Variants in PCDH15 observed in about 807,000 individuals in gnomAD.
The protein encoded by PCDH15 is protocadherin-15.
A neutral mutation model predicts 178.5 loss-of-function variants in PCDH15; 129 were observed. The observed-to-expected ratio is 0.72, with a 90% CI of 0.63 to 0.84. The LOEUF is 0.84. PCDH15 is among the 40% of genes least tolerant of loss of function. The pLI, the probability that PCDH15 is intolerant of heterozygous loss-of-function variation, is 0.00. For synonymous variants in PCDH15, 800 were observed against 732.0 expected, an observed-to-expected ratio of 1.09 and a Z score of -1.50; for missense variants, 2,230 against 2,099.9, an observed-to-expected ratio of 1.06 and a Z score of -1.21.
chr10:54,585,927 G>A (rs2026409), intron 2 of PCDH15, among the ~76,000 whole-genome samples: 143,213 of 152,242 alleles, frequency 0.94, 67,580 homozygotes, highest in Middle Eastern at 0.98. Flanking sequence ...CAAGTAAGTT[G>A]ATCTGATGGT....
At chr10:54,095,789 C>A (rs557236825) in intron 15 of PCDH15, among the ~76,000 whole-genome samples, 60 of 152,182 alleles carry the variant, frequency 3.9e-4, no homozygotes, top group Middle Eastern at 3.4e-3. Flanking sequence ...TTTAGGGATA[C>A]TCTATGAAGG....
intron 3 of PCDH15, among the ~76,000 whole-genome samples, chr10:54,520,850 G>A (rs1036987300): frequency 6.6e-6 from 1 of 151,300 alleles, no homozygotes; most frequent in African/African-American, 2.4e-5. Flanking sequence ...TTAAGAAAAT[G>A]TGGCACATAT....
intron 2 of PCDH15, among the ~76,000 whole-genome samples, chr10:55,341,156 A>T (rs1195524710): frequency 6.6e-6 from 1 of 151,986 alleles, no homozygotes; most frequent in Non-Finnish European, 1.5e-5. Flanking sequence ...GTACAAAATC[A>T]AGCTCTTACA....
chr10:55,020,917 A>G (rs534913950), intron 2 of PCDH15, among the ~76,000 whole-genome samples: 1 of 152,260 alleles, frequency 6.6e-6, no homozygotes, highest in Non-Finnish European at 1.5e-5. Flanking sequence ...CCTATTATCT[A>G]TCTTATCTTA....
intron 1 of PCDH15, among the ~76,000 whole-genome samples, chr10:55,260,150 G>A (rs1054145229): frequency 3.3e-5 from 5 of 151,468 alleles, no homozygotes; most frequent in East Asian, 1.9e-4. Context: ...TGCCCTTCTC[G>A]GTGACAGTAA....
intron 25 of PCDH15, among the ~76,000 whole-genome samples, chr10:53,928,497 G>A (rs375334668): frequency 2.0e-5 from 3 of 151,912 alleles, no homozygotes; most frequent in Non-Finnish European, 4.4e-5. Flanking sequence ...CAATAATGAA[G>A]AATTAATTCT....
chr10:54,866,057 TA>T (rs1953935249), intron 3 of PCDH15, among the ~76,000 whole-genome samples: 1 of 152,156 alleles, frequency 6.6e-6, no homozygotes, highest in African/African-American at 2.4e-5. Flanking sequence ...AACTTTTCTT[TA>T]AAAAAGTAAG....
At chr10:54,561,923 C>T (rs1347275328) in intron 2 of PCDH15, among the ~76,000 whole-genome samples, 2 of 150,266 alleles carry the variant, frequency 1.3e-5, no homozygotes, top group East Asian at 2.0e-4. Context: ...ACCTCATTAT[C>T]TGCCCACCTT....
rs575547228 is a variant in PCDH15 at position 54,561,980 on chromosome 10, C to CTTTTTTT, written c.92-34110_92-34104dup. Among the ~76,000 whole-genome samples, 611 of 75,174 alleles carry CTTTTTTT rather than the reference C, an allele frequency of 8.1e-3. 40 individuals carry two copies. The highest frequency in any genetic ancestry group is 0.031 in the Middle Eastern group (3 of 98). The allele number at this position is 75,174 out of a possible 152,430, so 49.3% of individuals were successfully genotyped here. On this transcript the variant is annotated intron_variant, in intron 2 of 37. Coordinates refer to ENST00000644397, the MANE Select transcript of PCDH15 (RefSeq NM_001384140.1). ...TACAGGCATGAGCCACCGCACCCAG[C>CTTTTTTT]TTTTTTTTTTTTTTTTTTTTTTTTT...
chr10:53,888,316 ATGTACG>A lies in PCDH15; in HGVS notation c.3501+14921_3501+14926del, dbSNP rs1440710486. ...CATATATATATATATATATGTATAT[ATGTACG>A]TATATATATGTACGTATATATATAT... On this transcript the variant is annotated intron_variant, in intron 26 of 37. Coordinates refer to ENST00000644397, the MANE Select transcript of PCDH15 (RefSeq NM_001384140.1). Among the ~76,000 whole-genome samples, 173 of 114,514 alleles carry A rather than the reference ATGTACG, an allele frequency of 1.5e-3. 1 individual carries two copies. Among genetic ancestry groups the A allele is most frequent in the Non-Finnish European group, 2.0e-3 (114 of 58,178 alleles). The allele number at this position is 114,514 out of a possible 152,430, so 75.1% of individuals were successfully genotyped here.
intron 3 of PCDH15, among the ~76,000 whole-genome samples, chr10:54,416,817 C>T (rs765972756): frequency 1.3e-5 from 2 of 152,146 alleles, no homozygotes; most frequent in Non-Finnish European, 2.9e-5. Flanking sequence ...AGTCGCTATT[C>T]TGACTGGCAT....
intron 3 of PCDH15, among the ~76,000 whole-genome samples, chr10:54,516,640 G>A (rs950044568): frequency 2.0e-5 from 3 of 152,042 alleles, no homozygotes; most frequent in African/African-American, 4.8e-5. Context: ...CACTCTGCAG[G>A]ATATTATCCA....
chr10:54,378,713 A>G lies in PCDH15; in HGVS notation c.318+69T>C, dbSNP rs532708584. 2.5e-5 allele frequency: 37 copies of G among 1,502,204 alleles called. No individual in the cohort carries two copies. In the Middle Eastern group the frequency reaches 9.3e-4, roughly 38 times the overall value. 93.1% of individuals were successfully genotyped at this position (1,502,204 alleles called of 1,614,324 possible). A position where few individuals can be genotyped will look rare whatever the true frequency, so the allele number is the denominator to read the frequency against. ...TTATGTAAATAATTCAATATCATAT[A>G]AACACACACATAGACATTTAAATTA... On this transcript the variant is annotated intron_variant, in intron 4 of 37. Coordinates refer to ENST00000644397, the MANE Select transcript of PCDH15 (RefSeq NM_001384140.1).
At chr10:55,205,110 A>C (rs1366729052) in intron 1 of PCDH15, among the ~76,000 whole-genome samples, 1 of 152,094 alleles carries the variant, frequency 6.6e-6, no homozygotes, top group Non-Finnish European at 1.5e-5. Context: ...AATTATAAGA[A>C]GTATAGTTTC....
intron 2 of PCDH15, among the ~76,000 whole-genome samples, chr10:55,568,250 T>C (rs1173683774): frequency 6.6e-6 from 1 of 152,000 alleles, no homozygotes; most frequent in East Asian, 1.9e-4. Flanking sequence ...AATGCTAATA[T>C]ATGCTACAAC....
intron 23 of PCDH15, among the ~76,000 whole-genome samples, chr10:53,950,117 TAA>T (rs572160661): frequency 2.6e-5 from 4 of 152,024 alleles, no homozygotes; most frequent in African/African-American, 4.8e-5. Context: ...GAAGAAGAGT[TAA>T]AGTTTTTCAA....
intron 15 of PCDH15, among the ~76,000 whole-genome samples, chr10:54,112,360 T>C (rs938057437): frequency 6.6e-6 from 1 of 151,428 alleles, no homozygotes; most frequent in African/African-American, 2.4e-5. Flanking sequence ...TCCCCAGTCA[T>C]GATAAACAAA....
At chr10:54,342,614 G>C (rs1942458519) in intron 6 of PCDH15, among the ~76,000 whole-genome samples, 1 of 150,754 alleles carries the variant, frequency 6.6e-6, no homozygotes, top group African/African-American at 2.5e-5. Context: ...GCTGTGAAAA[G>C]AGTCCCACTG....
At chr10:54,810,190 G>A (rs1340646577) in intron 3 of PCDH15, among the ~76,000 whole-genome samples, 1 of 151,898 alleles carries the variant, frequency 6.6e-6, no homozygotes. Flanking sequence ...GTCACCCTTG[G>A]GGCATCTTAT....
Sources: gnomAD v4.1 joint callset for allele counts (sites outside exome capture counted in the v4.1 genomes callset) on GRCh38, gnomAD v4.1.1 for gene constraint, MANE v1.5 for transcripts, NCBI Gene and HGNC (gene_info 2026-07-23, HGNC 2026-07-21) for gene names.